ARB2A: variants seen among roughly 807,000 people sequenced by gnomAD.
ARB2A encodes the protein ARB2 cotranscriptional regulator A.
the ARB2A span, among the ~76,000 whole-genome samples, chr5:93,975,089 C>T: frequency 7.9e-5 from 12 of 151,768 alleles, no homozygotes; most frequent in South Asian, 1.9e-3. Context: ...CTGAGGCAGG[C>T]GGATCAAGAG....
chr5:93,664,743 A>T, the ARB2A span, among the ~76,000 whole-genome samples: 1 of 151,988 alleles, frequency 6.6e-6, no homozygotes, highest in Non-Finnish European at 1.5e-5. Flanking sequence ...ATAATATATT[A>T]GCTCTACACT....
At chr5:93,627,706 G>A in the ARB2A span, among the ~76,000 whole-genome samples, 30 of 152,162 alleles carry the variant, frequency 2.0e-4, no homozygotes, top group East Asian at 5.4e-3. Context: ...TCCCAAAGTG[G>A]TGGGATTACA....
the ARB2A span, chr5:94,055,594 T>C: frequency 1.0e-6 from 1 of 981,738 alleles, no homozygotes; most frequent in Non-Finnish European, 1.2e-6. Context: ...GACAAAAATG[T>C]CACATATACT....
At chr5:93,767,103 TG>T in the ARB2A span, among the ~76,000 whole-genome samples, 3 of 152,044 alleles carry the variant, frequency 2.0e-5, no homozygotes, top group African/African-American at 7.3e-5. Flanking sequence ...GACGAGTTAC[TG>T]GGTGCAGCAC....
the ARB2A span, chr5:93,737,286 GA>G: frequency 6.6e-6 from 1 of 152,124 alleles, no homozygotes; most frequent in Non-Finnish European, 1.5e-5. Context: ...AGAAATTAAA[GA>G]AGACATAAGT....
chr5:93,935,493 C>T, the ARB2A span, among the ~76,000 whole-genome samples: 7 of 152,218 alleles, frequency 4.6e-5, no homozygotes, highest in East Asian at 1.4e-3. Context: ...TATGGGCATG[C>T]ACATTTTAAG....
chr5:93,866,145 T>C, the ARB2A span: 1 of 985,456 alleles, frequency 1.0e-6, no homozygotes, highest in Middle Eastern at 5.2e-4. Context: ...CAAGCAATCT[T>C]CAATTGGCCT....
the ARB2A span, among the ~76,000 whole-genome samples, chr5:93,655,359 T>C: frequency 2.6e-5 from 4 of 152,340 alleles, no homozygotes; most frequent in East Asian, 5.8e-4. Context: ...ACCTTCACAG[T>C]TACAATATGC....
At chr5:93,958,746 CAA>C in the ARB2A span, 32 of 1,113,928 alleles carry the variant, frequency 2.9e-5, no homozygotes, top group South Asian at 1.5e-4. Context: ...TATAAAATGC[CAA>C]AAAAAAAAAC....
chr5:93,640,636 A>G, the ARB2A span, among the ~76,000 whole-genome samples: 8 of 150,382 alleles, frequency 5.3e-5, no homozygotes, highest in East Asian at 2.0e-4. Flanking sequence ...ATGTGTGTGT[A>G]TATATATATA....
At chr5:93,708,873 G>C in the ARB2A span, among the ~76,000 whole-genome samples, 1 of 152,122 alleles carries the variant, frequency 6.6e-6, no homozygotes, top group South Asian at 2.1e-4. Context: ...CCTATTTTCT[G>C]CTGTAACTTG....
chr5:93,884,343 ACT>A, the ARB2A span, among the ~76,000 whole-genome samples: 1 of 151,582 alleles, frequency 6.6e-6, no homozygotes, highest in South Asian at 2.1e-4. Flanking sequence ...TTGAAATAAG[ACT>A]CTGAAATTTG....
the ARB2A span, among the ~76,000 whole-genome samples, chr5:94,030,379 T>C: frequency 1.3e-5 from 2 of 152,334 alleles, no homozygotes; most frequent in South Asian, 4.1e-4. Context: ...AAATCCTGTT[T>C]ATTGTAGTTG....
chr5:93,753,974 CA>C, the ARB2A span, among the ~76,000 whole-genome samples: 1 of 152,162 alleles, frequency 6.6e-6, no homozygotes, highest in Non-Finnish European at 1.5e-5. Context: ...CAATTCAGGT[CA>C]GACAGGAGGG....
the ARB2A span, among the ~76,000 whole-genome samples, chr5:93,907,767 A>G: frequency 6.6e-6 from 1 of 151,432 alleles, no homozygotes; most frequent in African/African-American, 2.4e-5. Context: ...GACATATAGC[A>G]GTTTACATTT....
At chr5:94,062,425 A>G in the ARB2A span, among the ~76,000 whole-genome samples, 1 of 152,116 alleles carries the variant, frequency 6.6e-6, no homozygotes, top group Non-Finnish European at 1.5e-5. Flanking sequence ...AAACACCCAA[A>G]AAGCAAAGAT....
chr5:93,959,983 G>A, the ARB2A span, among the ~76,000 whole-genome samples: 1 of 151,358 alleles, frequency 6.6e-6, no homozygotes, highest in South Asian at 2.1e-4. Context: ...ACATAAAGAA[G>A]GTCAATCCAC....
the ARB2A span, among the ~76,000 whole-genome samples, chr5:93,967,317 T>C: frequency 6.6e-6 from 1 of 152,116 alleles, no homozygotes; most frequent in African/African-American, 2.4e-5. Flanking sequence ...TCTGGTCTGA[T>C]GTATATAGAG....
the ARB2A span, among the ~76,000 whole-genome samples, chr5:93,777,229 G>A: frequency 1.6e-4 from 24 of 151,322 alleles, no homozygotes; most frequent in Middle Eastern, 3.4e-3. Context: ...TAGTGGGTGC[G>A]GCACACCAGC....
Sources: gnomAD v4.1 joint callset for allele counts (sites outside exome capture counted in the v4.1 genomes callset) on GRCh38, gnomAD v4.1.1 for gene constraint, MANE v1.5 for transcripts, NCBI Gene and HGNC (gene_info 2026-07-23, HGNC 2026-07-21) for gene names.